AMOTL1: variants seen among roughly 807,000 people sequenced by gnomAD.
The protein encoded by AMOTL1 is angiomotin-like protein 1.
In AMOTL1, 45 loss-of-function variants were observed where a neutral mutation model predicts 102.9. The ratio of observed to expected loss-of-function variants is 0.44; its 90% CI spans 0.34 to 0.56. The LOEUF is 0.56. AMOTL1 is among the 20% of genes least tolerant of loss of function. The pLI, the probability that AMOTL1 is intolerant of heterozygous loss-of-function variation, is 0.01. For synonymous variants in AMOTL1, 481 were observed against 484.7 expected, an observed-to-expected ratio of 0.99 and a Z score of 0.10; for missense variants, 1,114 against 1,225.6, an observed-to-expected ratio of 0.91 and a Z score of 1.36.
chr11:94,781,910 C>G (rs754530029), intron 1 of AMOTL1, among the ~76,000 whole-genome samples: 3 of 151,874 alleles, frequency 2.0e-5, no homozygotes, highest in Admixed American at 6.6e-5. Flanking sequence ...TGAATCAAGA[C>G]AGTGGTAGTA....
intron 1 of AMOTL1, among the ~76,000 whole-genome samples, chr11:94,719,045 G>A (rs1016860693): frequency 2.6e-5 from 4 of 151,678 alleles, no homozygotes; most frequent in African/African-American, 7.3e-5. Flanking sequence ...TATATGCTGT[G>A]AATAGGAATC....
chr11:94,760,538 G>T (rs1950779159), intron 3 of AMOTL1, among the ~76,000 whole-genome samples: 1 of 152,144 alleles, frequency 6.6e-6, no homozygotes, highest in African/African-American at 2.4e-5. Flanking sequence ...GCTTGGCCTG[G>T]AATGCTCTTC....
intron 1 of AMOTL1, among the ~76,000 whole-genome samples, chr11:94,712,825 A>G (rs1950039997): frequency 6.6e-6 from 1 of 151,884 alleles, no homozygotes; most frequent in Non-Finnish European, 1.5e-5. Context: ...ACAGAGCAAA[A>G]GTGTTTAATT....
intron 9 of AMOTL1, among the ~76,000 whole-genome samples, 171 bp downstream of exon 9, chr11:94,859,886 A>G (rs1952740982): frequency 6.6e-6 from 1 of 152,212 alleles, no homozygotes; most frequent in Non-Finnish European, 1.5e-5. Flanking sequence ...TAACATTTCT[A>G]GAGGATGATT....
intron 3 of AMOTL1, among the ~76,000 whole-genome samples, chr11:94,747,959 G>A (rs1267388237): frequency 6.6e-6 from 1 of 152,170 alleles, no homozygotes; most frequent in African/African-American, 2.4e-5. Context: ...ATGGGGTGGG[G>A]TGGAAAAATG....
chr11:94,854,722 G>T (rs917579320), intron 8 of AMOTL1, among the ~76,000 whole-genome samples: 2 of 152,134 alleles, frequency 1.3e-5, no homozygotes, highest in African/African-American at 2.4e-5. Context: ...AAGGTTGTCG[G>T]TGCAGCCTAG....
intron 1 of AMOTL1, among the ~76,000 whole-genome samples, chr11:94,786,009 T>G (rs1041040420): frequency 6.6e-6 from 1 of 152,190 alleles, no homozygotes; most frequent in South Asian, 2.1e-4. Context: ...CTGAGATACT[T>G]ACTTCTATAT....
At chr11:94,869,141 A>G (rs1952941725) in intron 11 of AMOTL1, 57 bp from the exon 12 acceptor site, 1 of 1,474,074 alleles carries the variant, frequency 6.8e-7, no homozygotes, top group African/African-American at 1.4e-5. Flanking sequence ...GCAAGACTAG[A>G]TTTAAAAAAA....
chr11:94,828,577 A>G (rs1952011843), intron 4 of AMOTL1, among the ~76,000 whole-genome samples: 1 of 152,032 alleles, frequency 6.6e-6, no homozygotes, highest in African/African-American at 2.4e-5. Flanking sequence ...CTGGACTACC[A>G]TCTCTTTGTA....
chr11:94,735,761 G>A (rs1950430933), intron 2 of AMOTL1, among the ~76,000 whole-genome samples: 1 of 152,164 alleles, frequency 6.6e-6, no homozygotes, highest in Non-Finnish European at 1.5e-5. Flanking sequence ...TTTGCGGATG[G>A]AGATTAGGAG....
At chr11:94,801,982 C>A (rs1485629510) in intron 3 of AMOTL1, among the ~76,000 whole-genome samples, 2 of 152,206 alleles carry the variant, frequency 1.3e-5, no homozygotes, top group African/African-American at 2.4e-5. Context: ...CATACCTTGG[C>A]TGTACATCTT....
At position 94,821,685 on chromosome 11, in the gene AMOTL1, C is replaced by G. The variant is rs769457689; in HGVS notation, c.1277C>G (p.Pro426Arg). 4.1e-5 allele frequency: 66 copies of G among 1,613,922 alleles called. No individual in the cohort carries two copies. Among genetic ancestry groups the G allele is most frequent in the Non-Finnish European group, 5.4e-5 (64 of 1,179,914 alleles). ...CCACAGCCCCCGCCTGCCGCCTCCC[C>G]CAGCCAGCAGCTTGGTCCAGATGCC... The part of the protein sequence containing the change: ...GAPQPPPAAS[P>R]SQQLGPDAFA... Residue 426 changes from proline to arginine, a missense_variant, in exon 4 of 13, where the codon CCC becomes CGC. Pro to Arg is a moderately radical substitution (Grantham distance 103). Coordinates refer to ENST00000433060, the MANE Select transcript of AMOTL1 (RefSeq NM_130847.3).
rs1304304501 is a variant in AMOTL1 at position 94,799,799 on chromosome 11, G to A, written c.609G>A (p.Gly203=). 15 of 1,590,222 alleles carry A rather than the reference G, an allele frequency of 9.4e-6. No individual in the cohort carries two copies. In the African/African-American group the frequency reaches 1.9e-4, roughly 20 times the overall value. The change falls in exon 3 of 13, where the codon GGG becomes GGA. Residue 203 remains glycine (G), a synonymous_variant. Coordinates refer to ENST00000433060, the MANE Select transcript of AMOTL1 (RefSeq NM_130847.3). The surrounding 1 kb of genome is among the most constrained non-coding windows in gnomAD (Gnocchi z 4.5). ...EAKAQSQFFR[G]QQQQQQQQGA... ...AAGCACAGTCGCAGTTCTTCAGGGG[G>A]CAGCAGCAGCAGCAACAGCAGCAGG...
intron 1 of AMOTL1, among the ~76,000 whole-genome samples, chr11:94,727,450 C>A (rs1398077991): frequency 6.6e-6 from 1 of 152,148 alleles, no homozygotes; most frequent in African/African-American, 2.4e-5. Context: ...CTACTTCTAG[C>A]CTCAATCAGC....
chr11:94,866,358 C>A (rs566018418), intron 11 of AMOTL1, 190 bp downstream of exon 11: 1 of 620,316 alleles, frequency 1.6e-6, no homozygotes, highest in Non-Finnish European at 2.8e-6. Context: ...CTAAAGACTG[C>A]ACCACTGGAG....
At chr11:94,853,094 T>G (rs977527377) in intron 7 of AMOTL1, among the ~76,000 whole-genome samples, 2 of 152,200 alleles carry the variant, frequency 1.3e-5, no homozygotes, top group African/African-American at 4.8e-5. Flanking sequence ...AAGCATTTCT[T>G]CATGATGTCA....
In AMOTL1 at chr11:94,821,740, G is replaced by C. The variant is rs1348694646; in HGVS notation, c.1332G>C (p.Met444Ile). ...CGATTGTGGAGCGAGCCCAGCAAAT[G>C]GTGGAGATATTAACAGAGGAGAACC... ...AFAIVERAQQ[M>I]VEILTEENRV... The change falls in exon 4 of 13, where the codon ATG (methionine) becomes ATC (isoleucine). Residue 444 changes from methionine (M) to isoleucine (I), a missense_variant. Met to Ile is a conservative substitution (Grantham distance 10, BLOSUM62 1). Coordinates refer to ENST00000433060, the MANE Select transcript of AMOTL1 (RefSeq NM_130847.3). 1.9e-6 allele frequency: 3 copies of C among 1,613,892 alleles called. No homozygotes were observed. Among genetic ancestry groups the C allele is most frequent in the Non-Finnish European group, 8.5e-7 (1 of 1,179,910 alleles).
chr11:94,844,386 T>C (rs565770701), intron 6 of AMOTL1, among the ~76,000 whole-genome samples: 1 of 152,318 alleles, frequency 6.6e-6, no homozygotes, highest in Admixed American at 6.5e-5. Context: ...ATCCAGTTGG[T>C]TAAGGATCAA....
rs369135705 is a variant in AMOTL1, at chr11:94,744,495, A to G, written c.136+3507A>G. On this transcript the variant is annotated intron_variant, in intron 3 of 4. Transcript: ENST00000299004. ...TGTTCCATTAGGCATGATTGATTGAATCATTGGCCATGGGTGATTAACTCA... is the reference window on the plus strand; with the variant it reads ...TGTTCCATTAGGCATGATTGATTGAGTCATTGGCCATGGGTGATTAACTCA... 4.3e-4 allele frequency among the ~76,000 whole-genome samples: 65 copies of G among 152,246 alleles called. No homozygotes were observed. In the South Asian group the frequency reaches 0.013, roughly 30 times the overall value.
Sources: gnomAD v4.1 joint callset for allele counts (sites outside exome capture counted in the v4.1 genomes callset) on GRCh38, gnomAD v4.1.1 for gene constraint, Gnocchi (gnomAD v3.1) non-coding constraint, MANE v1.5 for transcripts, NCBI Gene and HGNC (gene_info 2026-07-23, HGNC 2026-07-21) for gene names.